Variants in SMPD3 observed in about 807,000 individuals in gnomAD.
SMPD3 encodes sphingomyelin phosphodiesterase 3, also known as nSMase-2.
In SMPD3, 21 loss-of-function variants were observed where a neutral mutation model predicts 55.7. The ratio of observed to expected loss-of-function variants is 0.38; its 90% CI spans 0.27 to 0.54. The LOEUF (loss-of-function observed/expected upper bound fraction) is 0.54, where lower values mean the gene tolerates loss of function less well. Ranked by LOEUF, SMPD3 falls within the 20% of genes least tolerant of loss-of-function variation. The pLI, the probability that SMPD3 is intolerant of heterozygous loss-of-function variation, is 0.80. For synonymous variants in SMPD3, 457 were observed against 404.3 expected (o/e 1.13, Z -1.56); for missense variants, 842 against 899.6 (o/e 0.94, Z 0.82).
At chr16:68,380,162 C>T (rs549158803) in intron 2 of SMPD3, among the ~76,000 whole-genome samples, 29 of 152,396 alleles carry the variant, frequency 1.9e-4, no homozygotes, top group African/African-American at 5.5e-4. Flanking sequence ...CCTAGACCCA[C>T]GTCTGAGCCA....
At chr16:68,365,231 G>T in intron 3 of SMPD3, 139 bp from the exon 4 acceptor site, 1 of 797,684 alleles carries the variant, frequency 1.3e-6, no homozygotes, top group Non-Finnish European at 2.0e-6. Flanking sequence ...GTCCGAGTAG[G>T]GACAGGATGT....
chr16:68,418,846 G>T (rs2090361412), intron 1 of SMPD3, among the ~76,000 whole-genome samples: 2 of 152,214 alleles, frequency 1.3e-5, no homozygotes, highest in Admixed American at 6.5e-5. Context: ...GATGGGTCTG[G>T]ACTTTCTTGT....
intron 1 of SMPD3, among the ~76,000 whole-genome samples, chr16:68,412,023 G>A (rs949652146): frequency 3.9e-5 from 6 of 152,176 alleles, no homozygotes; most frequent in Non-Finnish European, 7.3e-5. Context: ...GAGGGCATGG[G>A]GGAAGGAAGA....
intron 1 of SMPD3, among the ~76,000 whole-genome samples, chr16:68,394,961 C>T (rs368785781): frequency 6.6e-6 from 1 of 152,028 alleles, no homozygotes; most frequent in Admixed American, 6.5e-5. Flanking sequence ...TTGAATGACC[C>T]TTTGTTTTAA....
At chr16:68,362,103 A>G (rs1110573) in intron 7 of SMPD3, among the ~76,000 whole-genome samples, 8,258 of 152,188 alleles carry the variant, frequency 0.054, 757 homozygotes, top group African/African-American at 0.19. Context: ...GCCTGTTTTG[A>G]GGAGCTTGGT....
chr16:68,394,962 T>C (rs1463946324), intron 1 of SMPD3, among the ~76,000 whole-genome samples: 1 of 152,170 alleles, frequency 6.6e-6, no homozygotes, highest in Non-Finnish European at 1.5e-5. Context: ...TGAATGACCC[T>C]TTGTTTTAAA....
intron 1 of SMPD3, among the ~76,000 whole-genome samples, chr16:68,425,167 T>C (rs1302262153): frequency 6.6e-6 from 1 of 152,218 alleles, no homozygotes; most frequent in Non-Finnish European, 1.5e-5. Context: ...ACTTATCAGA[T>C]AGTAGGGCTT....
At position 68,361,322 on chromosome 16, in the gene SMPD3, A is replaced by C; in HGVS notation, c.1867-15T>G. On this transcript the variant is annotated splice_polypyrimidine_tract_variant and intron_variant, in intron 8 of 8. Transcript: ENST00000219334. ...TCTTCCACCTCCTGGGGTGAGTGGGAGAGGGGAGAAACAGCCTGGTCAGAT... is the reference window on the plus strand; with the variant it reads ...TCTTCCACCTCCTGGGGTGAGTGGGCGAGGGGAGAAACAGCCTGGTCAGAT... 1 of 1,602,518 alleles carries C rather than the reference A, an allele frequency of 6.2e-7. No homozygotes were observed. Among genetic ancestry groups the C allele is most frequent in the Non-Finnish European group, 8.5e-7 (1 of 1,174,188 alleles).
intron 1 of SMPD3, among the ~76,000 whole-genome samples, chr16:68,395,775 T>G (rs1309955341): frequency 1.3e-5 from 2 of 152,242 alleles, no homozygotes; most frequent in African/African-American, 4.8e-5. Flanking sequence ...TGTGTATAGG[T>G]AATGTTGCTT....
chr16:68,371,871 C>G lies in SMPD3; in HGVS notation c.311G>C (p.Gly104Ala), dbSNP rs2089681006. The G allele has an allele frequency of 6.2e-7, 1 of 1,607,896 alleles. No homozygotes were observed. ...GAGCAGGGCTGCCCCACCGGCCAGG[C>G]CCTTGTCTTCCAGCCGTGAATAGAT... ...PYIYSRLEDK[G>A]LAGGAALLSE... is the part of the protein sequence containing the mutation. Residue 104 changes from glycine to alanine, a missense_variant, in exon 3 of 9, where the codon GGC becomes GCC. Coordinates refer to ENST00000219334, the MANE Select transcript of SMPD3 (RefSeq NM_018667.4).
At chr16:68,392,282 A>AT in intron 1 of SMPD3, among the ~76,000 whole-genome samples, 1 of 152,222 alleles carries the variant, frequency 6.6e-6, no homozygotes, top group South Asian at 2.1e-4. Context: ...TATTATTTTA[A>AT]TTTTTTATTA....
chr16:68,412,259 C>A (rs1317581941), intron 1 of SMPD3, among the ~76,000 whole-genome samples: 2 of 152,304 alleles, frequency 1.3e-5, no homozygotes, highest in Non-Finnish European at 2.9e-5. Flanking sequence ...CCACAGCAGC[C>A]CAAGCCCTGT....
rs533878724 is a variant in SMPD3 at position 68,407,850 on chromosome 16, A to T, written c.-268-21191T>A. Reference sequence around the variant, plus strand: ...ACGTGTTTGCCTACTTATAAAAAACAGTGAAAATAAAAGTTTCTACTGGCA... The same window carrying T: ...ACGTGTTTGCCTACTTATAAAAAACTGTGAAAATAAAAGTTTCTACTGGCA... On this transcript the variant is annotated intron_variant, in intron 1 of 8. Transcript: ENST00000219334. Among the ~76,000 whole-genome samples the T allele has an allele frequency of 7.9e-5, 12 of 152,350 alleles. No individual in the cohort carries two copies. In the South Asian group the frequency reaches 2.3e-3, roughly 29 times the overall value.
In SMPD3 at chr16:68,446,484, T is replaced by TACACACAC. The variant is rs3978672; in HGVS notation, c.-269+1861_-269+1868dup. Among the ~76,000 whole-genome samples the TACACACAC allele has an allele frequency of 2.8e-3, 406 of 143,866 alleles. 1 individual carries two copies. Among genetic ancestry groups the TACACACAC allele is most frequent in the African/African-American group, 7.2e-3 (280 of 38,992 alleles). 94.4% of individuals were successfully genotyped at this position (143,866 alleles called of 152,430 possible). A position where few individuals can be genotyped will look rare whatever the true frequency, so the allele number is the denominator to read the frequency against. ...TCAGTAAATGAGTAAGTGGTTCATC[T>TACACACAC]ACACACACACACACACACACACACA... On this transcript the variant is annotated intron_variant, in intron 1 of 8. Transcript: ENST00000219334.
At chr16:68,408,392 A>T (rs2090269829) in intron 1 of SMPD3, among the ~76,000 whole-genome samples, 2 of 152,334 alleles carry the variant, frequency 1.3e-5, no homozygotes, top group South Asian at 4.1e-4. Flanking sequence ...CCATATGGGT[A>T]TTTAATTATT....
intron 2 of SMPD3, among the ~76,000 whole-genome samples, chr16:68,373,049 AC>A (rs1305013735): frequency 6.6e-6 from 1 of 151,930 alleles, no homozygotes; most frequent in African/African-American, 2.4e-5. Flanking sequence ...CGCGGGAGAA[AC>A]CCCCCAGCAA....
At chr16:68,376,828 G>A (rs149824805) in intron 2 of SMPD3, among the ~76,000 whole-genome samples, 456 of 152,328 alleles carry the variant, frequency 3.0e-3, no homozygotes, top group Non-Finnish European at 5.4e-3. Flanking sequence ...CGGCTTCACC[G>A]GCCACTGCTT....
At chr16:68,378,576 C>T (rs888732514) in intron 2 of SMPD3, among the ~76,000 whole-genome samples, 7 of 151,962 alleles carry the variant, frequency 4.6e-5, no homozygotes, top group African/African-American at 1.7e-4. Context: ...CACCCCCCCA[C>T]CCCCTCAGTC....
At chr16:68,415,729 A>G (rs925719430) in intron 1 of SMPD3, among the ~76,000 whole-genome samples, 5 of 151,890 alleles carry the variant, frequency 3.3e-5, no homozygotes, top group Admixed American at 1.3e-4. Flanking sequence ...TACTCTTCAG[A>G]TGAAGAATCT....
Sources: allele counts gnomAD v4.1 joint callset (sites outside exome capture counted in the v4.1 genomes callset), GRCh38; gene constraint gnomAD v4.1.1; transcripts MANE v1.5; gene names NCBI Gene and HGNC (gene_info 2026-07-23, HGNC 2026-07-21).